POLN: variants seen among roughly 807,000 people sequenced by gnomAD.
POLN encodes the protein DNA polymerase nu.
POLN carries 108 observed loss-of-function variants against 113.5 expected under a neutral mutation model. The ratio of observed to expected loss-of-function variants is 0.95; its 90% CI spans 0.81 to 1.12. The LOEUF (loss-of-function observed/expected upper bound fraction) is 1.12. Among genes scored for constraint, POLN ranks in the 50% most tolerant of loss-of-function variants. The pLI is 0.00. For missense variants in POLN, 1,097 were observed against 1,077.1 expected (o/e 1.02, Z -0.26); for synonymous variants, 386 against 391.5 (o/e 0.99, Z 0.17).
At chr4:2,119,832 T>A (rs1381054957) in intron 19 of POLN, among the ~76,000 whole-genome samples, 2 of 152,156 alleles carry the variant, frequency 1.3e-5, no homozygotes, top group Non-Finnish European at 2.9e-5. Flanking sequence ...AATGTTGGAT[T>A]ACTATTGCTG....
chr4:2,141,838 T>G (rs549036976), intron 16 of POLN, among the ~76,000 whole-genome samples: 77 of 152,320 alleles, frequency 5.1e-4, no homozygotes, highest in Middle Eastern at 3.4e-3. Context: ...GGCATGGCAC[T>G]CCTGGAGACT....
rs958819936 is a variant in POLN at position 2,126,177 on chromosome 4, G to A, written c.1982+1936C>T. 1.3e-5 allele frequency among the ~76,000 whole-genome samples: 2 copies of A among 152,186 alleles called. No individual in the cohort carries two copies. The highest frequency in any genetic ancestry group is 2.9e-5 in the Non-Finnish European group (2 of 68,040). On this transcript the variant is annotated intron_variant, in intron 19 of 25. Coordinates refer to ENST00000511885, the MANE Select transcript of POLN (RefSeq NM_181808.4). This position sits in a 1 kb window ranked among gnomAD's most constrained non-coding sequence, Gnocchi z 4.6. ...GGTACAGTGCCTCTTCCTGTGCTGG[G>A]CAAACACTTCATTATTCTTTGCTTT...
At chr4:2,218,963 C>T (rs565898102) in intron 3 of POLN, among the ~76,000 whole-genome samples, 1 of 152,326 alleles carries the variant, frequency 6.6e-6, no homozygotes, top group East Asian at 1.9e-4. Context: ...AAGGATGGCA[C>T]TAACTTCTGC....
intron 6 of POLN, among the ~76,000 whole-genome samples, chr4:2,196,124 C>A (rs11947178): frequency 6.6e-6 from 1 of 151,926 alleles, no homozygotes; most frequent in African/African-American, 2.4e-5. Context: ...TGAAAAAAAT[C>A]GAATATTTTT....
chr4:2,178,614 G>GT (rs869253023), intron 8 of POLN, among the ~76,000 whole-genome samples: 2,074 of 141,898 alleles, frequency 0.015, 16 homozygotes, highest in East Asian at 0.043. Context: ...GCCCAAGACA[G>GT]TTTTTTTTTT....
chr4:2,159,561 G>A (rs765467139), intron 13 of POLN, among the ~76,000 whole-genome samples: 1 of 152,170 alleles, frequency 6.6e-6, no homozygotes, highest in South Asian at 2.1e-4. Context: ...AATGGATTAC[G>A]AGTTTAAAAA....
chr4:2,088,630 A>G (rs1162253132), intron 20 of POLN: 1 of 638,400 alleles, frequency 1.6e-6, no homozygotes. Flanking sequence ...CACAATTTGA[A>G]TCCCATAATA....
chr4:2,157,853 G>A lies in POLN; in HGVS notation c.1665+5C>T. On this transcript the variant is annotated splice_donor_5th_base_variant and intron_variant, in intron 15 of 25. Transcript: ENST00000511885. Reference sequence around the variant, plus strand: ...ATCACAGTATCTTTTTGTAAAGCTTGTTACCTTTTTCATGCAAGCTAGTAA... The same window carrying A: ...ATCACAGTATCTTTTTGTAAAGCTTATTACCTTTTTCATGCAAGCTAGTAA... 1 of 1,594,040 alleles carries A rather than the reference G, an allele frequency of 6.3e-7. No homozygotes were observed. The highest frequency in any genetic ancestry group is 8.6e-7 in the Non-Finnish European group (1 of 1,164,454).
intron 16 of POLN, among the ~76,000 whole-genome samples, chr4:2,145,716 C>T (rs1732121312): frequency 6.6e-6 from 1 of 152,156 alleles, no homozygotes; most frequent in African/African-American, 2.4e-5. Context: ...AGTCAGTCCA[C>T]TCATTTGGAG....
intron 16 of POLN, 148 bp downstream of exon 16, chr4:2,156,640 T>A (rs1403773349): frequency 1.4e-6 from 1 of 706,242 alleles, no homozygotes; most frequent in African/African-American, 1.8e-5. Context: ...TGCTATGTTC[T>A]CAGAATAAAC....
In POLN at chr4:2,204,684, G is replaced by C. The variant is rs1165691095; in HGVS notation, c.714+3303C>G. Among the ~76,000 whole-genome samples, 4 of 152,082 alleles carry C rather than the reference G, an allele frequency of 2.6e-5. No homozygotes were observed. In the East Asian group the frequency reaches 7.7e-4, roughly 29 times the overall value. ...ATCTCTGATGAACATAGATGCAAAA[G>C]TCCTTAACAAAATACTAGCTAACCA... On this transcript the variant is annotated intron_variant, in intron 5 of 25. Coordinates refer to ENST00000511885, the MANE Select transcript of POLN (RefSeq NM_181808.4).
chr4:2,169,892 A>G (rs929392316), intron 13 of POLN, among the ~76,000 whole-genome samples: 11 of 152,250 alleles, frequency 7.2e-5, no homozygotes, highest in Non-Finnish European at 1.6e-4. Flanking sequence ...TTATTCACCC[A>G]GTAACTGTCC....
intron 20 of POLN, chr4:2,089,116 G>T (rs1248759184): frequency 3.6e-6 from 4 of 1,114,292 alleles, no homozygotes; most frequent in Non-Finnish European, 5.3e-6. Context: ...GAAAATCTGG[G>T]TTTTTTTTAT....
Position 2,235,746 on chromosome 4 carries a change from AAT to A in POLN, c.-13+5772_-13+5773del, listed in dbSNP as rs376301794. The stretch of plus-strand genomic sequence containing the variant: ...TATAAAACTAAATACACAGTCTAGG[AAT>A]ATATATATATGTGTGTATGTGTGTG... On this transcript the variant is annotated intron_variant, in intron 2 of 25. Coordinates refer to ENST00000511885, the MANE Select transcript of POLN (RefSeq NM_181808.4). Among the ~76,000 whole-genome samples, 1,173 of 152,050 alleles carry A rather than the reference AAT, an allele frequency of 7.7e-3. 25 individuals carry two copies. The highest frequency in any genetic ancestry group is 0.026 in the African/African-American group (1,095 of 41,492).
chr4:2,188,228 G>C (rs1245076889), intron 7 of POLN, among the ~76,000 whole-genome samples: 1 of 152,068 alleles, frequency 6.6e-6, no homozygotes, highest in African/African-American at 2.4e-5. Flanking sequence ...TAAAGCCCCA[G>C]ACAAACAAAA....
At position 2,223,854 on chromosome 4, in the gene POLN, G is replaced by C. The variant is rs541396707; in HGVS notation, c.133+5245C>G. Among the ~76,000 whole-genome samples the C allele has an allele frequency of 1.8e-3, 271 of 152,340 alleles. 2 individuals are homozygous for C. Among genetic ancestry groups the C allele is most frequent in the African/African-American group, 3.0e-3 (126 of 41,566 alleles). ...GCAGGACTTGGCATTTGCTCTGGGT[G>C]AATCAGTGAGTGGGGAGTAAGTGTG... On this transcript the variant is annotated intron_variant, in intron 3 of 25. Transcript: ENST00000511885.
intron 16 of POLN, chr4:2,140,085 AT>A (rs1211097769): frequency 6.6e-6 from 1 of 151,464 alleles, no homozygotes; most frequent in Non-Finnish European, 1.5e-5. Context: ...TTATTTATTT[AT>A]TTATTTTTTT....
At chr4:2,207,900 T>C in intron 5 of POLN, 87 bp downstream of exon 5, 2 of 1,438,888 alleles carry the variant, frequency 1.4e-6, no homozygotes, top group South Asian at 2.9e-5. Flanking sequence ...ATCTTGTTTC[T>C]AGCTCTCCTA....
At position 2,171,144 on chromosome 4, in the gene POLN, A is replaced by G. The variant is rs1732850694; in HGVS notation, c.1412T>C (p.Val471Ala). The change falls in exon 12 of 26, where the codon GTT becomes GCT. Residue 471 changes from valine (V) to alanine (A), a missense_variant. Physicochemically the swap from Val to Ala is moderately conservative, Grantham distance 64. Coordinates refer to ENST00000511885, the MANE Select transcript of POLN (RefSeq NM_181808.4). Reference sequence around the variant, plus strand: ...CGTTATAAGAAACCGTTCTCCTGCAACAAAATGAGCTTCTTGCTCCAATTC... The same window carrying G: ...CGTTATAAGAAACCGTTCTCCTGCAGCAAAATGAGCTTCTTGCTCCAATTC... ...LKELEQEAHF[V>A]AGERFLITSN... 1 of 1,613,750 alleles carries G rather than the reference A, an allele frequency of 6.2e-7. No individual in the cohort carries two copies. Among genetic ancestry groups the G allele is most frequent in the Non-Finnish European group, 8.5e-7 (1 of 1,179,952 alleles).
Sources: gnomAD v4.1 joint callset for allele counts (sites outside exome capture counted in the v4.1 genomes callset) on GRCh38, gnomAD v4.1.1 for gene constraint, Gnocchi (gnomAD v3.1) non-coding constraint, MANE v1.5 for transcripts, NCBI Gene and HGNC (gene_info 2026-07-23, HGNC 2026-07-21) for gene names.